Variants in NGF observed in about 807,000 individuals in gnomAD.
The protein encoded by NGF is beta-nerve growth factor.
Under a neutral mutation model 12.8 loss-of-function variants are expected in NGF, and 4 were observed. The ratio of observed to expected loss-of-function variants is 0.31; its 90% CI spans 0.15 to 0.72. The LOEUF is 0.72. Ranked by LOEUF, NGF falls within the 30% of genes least tolerant of loss-of-function variation. NGF has a pLI of 0.69. For missense variants in NGF, 283 were observed against 330.8 expected (o/e 0.86, Z 1.12); for synonymous variants, 140 against 130.0 (o/e 1.08, Z -0.52).
rs147763877 is a variant in NGF, at chr1:115,286,461, G to C, written c.335C>G (p.Pro112Arg). The C allele has an allele frequency of 9.7e-5, 156 of 1,613,744 alleles. No homozygotes were observed. The highest frequency in any genetic ancestry group is 1.2e-4 in the Non-Finnish European group (143 of 1,179,822). The change falls in exon 3 of 3, where the codon CCC becomes CGC. Residue 112 changes from proline (P) to arginine (R), a missense_variant. Transcript: ENST00000369512. ...DLDFEVGGAA[P>R]FNRTHRSKRS... ...CTTGCTCCTGTGAGTCCTGTTGAAG[G>C]GGGCAGCACCACCGACCTCGAAGTC... is the stretch of plus-strand genomic sequence containing the variant.
At chr1:115,297,623 C>G (rs906260494) in intron 1 of NGF, among the ~76,000 whole-genome samples, 2 of 152,198 alleles carry the variant, frequency 1.3e-5, no homozygotes, top group African/African-American at 4.8e-5. Context: ...CTCTGCTGAT[C>G]GTTTTTCAAG....
At chr1:115,290,319 CA>C (rs1323872967) in intron 2 of NGF, among the ~76,000 whole-genome samples, 2 of 150,184 alleles carry the variant, frequency 1.3e-5, no homozygotes, top group African/African-American at 4.9e-5. Flanking sequence ...TGTTGTCCTT[CA>C]ACAACTTCAA....
At chr1:115,329,715 C>T (rs988976297) in intron 1 of NGF, among the ~76,000 whole-genome samples, 7 of 149,874 alleles carry the variant, frequency 4.7e-5, no homozygotes, top group African/African-American at 1.7e-4. Context: ...ATTTCACAAC[C>T]TGTATTTTGT....
At chr1:115,292,379 C>T (rs1266283612) in intron 2 of NGF, among the ~76,000 whole-genome samples, 1 of 152,184 alleles carries the variant, frequency 6.6e-6, no homozygotes, top group African/African-American at 2.4e-5. Context: ...GTTTGTTACA[C>T]TATAGACTGC....
intron 1 of NGF, among the ~76,000 whole-genome samples, chr1:115,298,756 T>C (rs954245476): frequency 3.9e-5 from 6 of 151,900 alleles, no homozygotes; most frequent in African/African-American, 1.5e-4. Context: ...ACCCACTATT[T>C]GGTAATAGCC....
At chr1:115,320,949 T>C (rs563596130) in intron 1 of NGF, among the ~76,000 whole-genome samples, 9 of 152,218 alleles carry the variant, frequency 5.9e-5, no homozygotes, top group Non-Finnish European at 1.3e-4. Context: ...GGTGAGCCTG[T>C]GTGAGCTGGC....
chr1:115,318,552 C>A (rs1654531694), intron 1 of NGF, among the ~76,000 whole-genome samples: 1 of 152,188 alleles, frequency 6.6e-6, no homozygotes, highest in Non-Finnish European at 1.5e-5. Flanking sequence ...AGCCAAGGGC[C>A]ATCTTCATGT....
Position 115,321,982 on chromosome 1 carries a change from G to A in NGF, c.-137+16222C>T, listed in dbSNP as rs182294491. Among the ~76,000 whole-genome samples the A allele has an allele frequency of 1.1e-4, 16 of 152,304 alleles. No individual in the cohort carries two copies. The East Asian group carries it at 2.9e-3, about 28-fold the overall frequency. ...GAGATAGACGTGGCCCTTGCAGTAA[G>A]AGTTCATCCTAACTACCAATTTTGG... On this transcript the variant is annotated intron_variant, in intron 1 of 2. Transcript: ENST00000369512.
chr1:115,315,381 A>G (rs115632223), intron 1 of NGF, among the ~76,000 whole-genome samples: 2,195 of 152,264 alleles, frequency 0.014, 49 homozygotes, highest in African/African-American at 0.05. Flanking sequence ...AGCAGAGGTG[A>G]GAAGACAATG....
intron 1 of NGF, among the ~76,000 whole-genome samples, chr1:115,321,475 CA>C (rs1211056035): frequency 6.6e-6 from 1 of 151,892 alleles, no homozygotes; most frequent in African/African-American, 2.4e-5. Context: ...ATTCTTTCAA[CA>C]CTAGGATTCT....
intron 1 of NGF, among the ~76,000 whole-genome samples, chr1:115,333,965 A>G (rs1489080013): frequency 6.6e-6 from 1 of 151,614 alleles, no homozygotes; most frequent in East Asian, 1.9e-4. Context: ...ATACCCTCCT[A>G]CCCTCTGAAG....
chr1:115,326,700 A>G (rs1654788313), intron 1 of NGF, among the ~76,000 whole-genome samples: 1 of 152,090 alleles, frequency 6.6e-6, no homozygotes, highest in Non-Finnish European at 1.5e-5. Flanking sequence ...TGCGTTTGGA[A>G]TGGACCAGGA....
At chr1:115,303,391 G>A (rs763829296) in intron 1 of NGF, among the ~76,000 whole-genome samples, 10 of 151,034 alleles carry the variant, frequency 6.6e-5, no homozygotes, top group East Asian at 3.9e-4. Context: ...CACCCCTACC[G>A]CCACCACTGC....
intron 1 of NGF, among the ~76,000 whole-genome samples, chr1:115,324,639 T>A (rs917555564): frequency 6.6e-6 from 1 of 152,100 alleles, no homozygotes; most frequent in Non-Finnish European, 1.5e-5. Flanking sequence ...TCCACAGCTG[T>A]CTCTACAAGA....
intron 1 of NGF, among the ~76,000 whole-genome samples, chr1:115,311,961 A>G (rs1269293162): frequency 6.6e-6 from 1 of 152,226 alleles, no homozygotes; most frequent in East Asian, 1.9e-4. Flanking sequence ...AAATTCTACA[A>G]TGAATAGCTA....
chr1:115,315,179 A>G (rs894261417), intron 1 of NGF, among the ~76,000 whole-genome samples: 18 of 152,108 alleles, frequency 1.2e-4, no homozygotes, highest in African/African-American at 4.3e-4. Flanking sequence ...GTGAGTTTGG[A>G]CTTTATTTCT....
At chr1:115,309,947 T>C (rs1357658708) in intron 1 of NGF, among the ~76,000 whole-genome samples, 1 of 152,264 alleles carries the variant, frequency 6.6e-6, no homozygotes, top group Non-Finnish European at 1.5e-5. Flanking sequence ...AGGAAAAAGC[T>C]ATGTGTATGA....
At chr1:115,300,576 C>G (rs1654005458) in intron 1 of NGF, among the ~76,000 whole-genome samples, 1 of 152,228 alleles carries the variant, frequency 6.6e-6, no homozygotes, top group Non-Finnish European at 1.5e-5. Context: ...CCGTCCCACT[C>G]CACACCACTC....
At chr1:115,318,484 C>T (rs560397145) in intron 1 of NGF, among the ~76,000 whole-genome samples, 1 of 152,312 alleles carries the variant, frequency 6.6e-6, no homozygotes, top group East Asian at 1.9e-4. Flanking sequence ...CGACAGGCCA[C>T]AGCATAGGGC....
Sources: allele counts gnomAD v4.1 joint callset (sites outside exome capture counted in the v4.1 genomes callset), GRCh38; gene constraint gnomAD v4.1.1; transcripts MANE v1.5; gene names NCBI Gene and HGNC (gene_info 2026-07-23, HGNC 2026-07-21).